Variants in GRM7 observed in about 807,000 individuals in gnomAD.
The protein encoded by GRM7 is glutamate metabotropic receptor 7.
GRM7 carries 35 observed loss-of-function variants against 84.5 expected under a neutral mutation model. The observed-to-expected ratio is 0.41, with a 90% confidence interval of 0.32 to 0.55. The LOEUF is 0.55. Ranked by LOEUF, GRM7 falls within the 20% of genes least tolerant of loss-of-function variation. The pLI, the probability that GRM7 is intolerant of heterozygous loss-of-function variation, is 0.19. For synonymous variants in GRM7, 487 were observed against 455.1 expected (o/e 1.07, Z -0.89); for missense variants, 1,003 against 1,194.6 (o/e 0.84, Z 2.36).
At chr3:7,645,563 A>G (rs1414155363) in intron 8 of GRM7, among the ~76,000 whole-genome samples, 4 of 150,732 alleles carry the variant, frequency 2.7e-5, no homozygotes, top group African/African-American at 9.7e-5. Flanking sequence ...AAAAAAAAAA[A>G]AAAAAAAAGA....
At position 7,194,222 on chromosome 3, in the gene GRM7, A is replaced by G. The variant is rs145161835; in HGVS notation, c.736+47554A>G. 1.1e-3 allele frequency among the ~76,000 whole-genome samples: 162 copies of G among 152,192 alleles called. 1 individual carries two copies. In the Middle Eastern group the frequency reaches 0.014, roughly 13 times the overall value. Reference sequence around the variant, plus strand: ...TCACCAAACTTTCCCAGAGATCTGTACACAGAGTCAATCCTTTCTTTTGCT... The same window carrying G: ...TCACCAAACTTTCCCAGAGATCTGTGCACAGAGTCAATCCTTTCTTTTGCT... On this transcript the variant is annotated intron_variant, in intron 2 of 9. Coordinates refer to ENST00000357716, the MANE Select transcript of GRM7 (RefSeq NM_000844.4).
chr3:7,146,685 C>G lies in GRM7; in HGVS notation c.736+17C>G. ...AAGAGGCAGGTAGGATGAGATTGCT[C>G]TGATCAAGCTGGCTCTCTTCAAACG... On this transcript the variant is annotated intron_variant, in intron 2 of 9. Transcript: ENST00000357716. The G allele has an allele frequency of 1.3e-6, 2 of 1,566,424 alleles. No homozygotes were observed. Among genetic ancestry groups the G allele is most frequent in the Non-Finnish European group, 1.8e-6 (2 of 1,141,978 alleles).
chr3:7,559,716 ACCTAG>A (rs748482435), intron 7 of GRM7, among the ~76,000 whole-genome samples: 4 of 152,138 alleles, frequency 2.6e-5, no homozygotes, highest in African/African-American at 4.8e-5. Context: ...CAGTGGTCTT[ACCTAG>A]TACACTGATC....
intron 1 of GRM7, among the ~76,000 whole-genome samples, chr3:6,872,634 C>G (rs1283544396): frequency 2.6e-5 from 4 of 151,916 alleles, no homozygotes; most frequent in Non-Finnish European, 4.4e-5. Context: ...CCCCGACAGG[C>G]CCCGGTGTGT....
intron 1 of GRM7, among the ~76,000 whole-genome samples, chr3:6,949,517 T>G (rs1030039063): frequency 9.9e-5 from 15 of 152,054 alleles, no homozygotes; most frequent in Non-Finnish European, 2.1e-4. Flanking sequence ...CTTTGGTGAA[T>G]CTGACAATTA....
chr3:7,141,668 AAGAT>A (rs1440477144), intron 1 of GRM7, among the ~76,000 whole-genome samples: 9 of 152,150 alleles, frequency 5.9e-5, no homozygotes, highest in South Asian at 4.1e-4. Flanking sequence ...TGCTACAACT[AAGAT>A]AGCCTCAAAA....
intron 2 of GRM7, among the ~76,000 whole-genome samples, chr3:7,152,022 A>C (rs1694302376): frequency 6.6e-6 from 1 of 152,206 alleles, no homozygotes; most frequent in Admixed American, 6.5e-5. Context: ...TCCAGCTTAA[A>C]TATAGATACT....
chr3:7,169,839 T>G (rs1694924969), intron 2 of GRM7, among the ~76,000 whole-genome samples: 1 of 152,208 alleles, frequency 6.6e-6, no homozygotes, highest in Non-Finnish European at 1.5e-5. Context: ...ACCCAAGATA[T>G]AATAGTTCCC....
chr3:7,200,891 C>T (rs1696042896), intron 2 of GRM7, among the ~76,000 whole-genome samples: 1 of 151,812 alleles, frequency 6.6e-6, no homozygotes, highest in South Asian at 2.1e-4. Flanking sequence ...AATTGCCTCA[C>T]CTGGGGTGGT....
intron 2 of GRM7, among the ~76,000 whole-genome samples, chr3:7,210,337 C>T (rs926586274): frequency 3.3e-5 from 5 of 152,168 alleles, no homozygotes; most frequent in African/African-American, 4.8e-5. Flanking sequence ...GCTTTCCTAC[C>T]GCTATCTTAT....
At chr3:6,881,221 C>T (rs1187999734) in intron 1 of GRM7, among the ~76,000 whole-genome samples, 1 of 152,036 alleles carries the variant, frequency 6.6e-6, no homozygotes, top group Admixed American at 6.6e-5. Flanking sequence ...TGGTTTGCTG[C>T]ACTATCAACC....
At chr3:7,299,282 G>A (rs1699916781) in intron 3 of GRM7, among the ~76,000 whole-genome samples, 1 of 151,726 alleles carries the variant, frequency 6.6e-6, no homozygotes, top group African/African-American at 2.4e-5. Context: ...GATCTTTCTT[G>A]GACTCAAAAA....
At chr3:7,649,079 T>C (rs887738143) in intron 8 of GRM7, among the ~76,000 whole-genome samples, 1 of 152,062 alleles carries the variant, frequency 6.6e-6, no homozygotes, top group Non-Finnish European at 1.5e-5. Context: ...ATTTTCTTTT[T>C]TTTTTTTTGA....
chr3:7,326,379 T>C (rs17697952), intron 4 of GRM7, among the ~76,000 whole-genome samples: 64,251 of 151,818 alleles, frequency 0.42, 13,669 homozygotes, highest in Middle Eastern at 0.48. Context: ...CAGATGGTGA[T>C]GCATTACATA....
chr3:7,283,608 T>G (rs1699328729), intron 2 of GRM7, among the ~76,000 whole-genome samples: 1 of 151,926 alleles, frequency 6.6e-6, no homozygotes, highest in African/African-American at 2.4e-5. Flanking sequence ...TTGGAGGGGG[T>G]TTTGATTGGA....
chr3:7,298,999 A>G (rs1350396366), intron 3 of GRM7, among the ~76,000 whole-genome samples, 174 bp downstream of exon 3: 2 of 152,156 alleles, frequency 1.3e-5, no homozygotes, highest in African/African-American at 2.4e-5. Flanking sequence ...TGTTATGGTC[A>G]CGTGTTTTCC....
intron 9 of GRM7, among the ~76,000 whole-genome samples, chr3:7,727,525 A>C (rs1389740841): frequency 6.6e-6 from 1 of 152,226 alleles, no homozygotes; most frequent in Admixed American, 6.5e-5. Flanking sequence ...TAAGCAGAAC[A>C]CAAAAGGAAC....
At chr3:7,126,906 G>T (rs1198563950) in intron 1 of GRM7, among the ~76,000 whole-genome samples, 1 of 152,104 alleles carries the variant, frequency 6.6e-6, no homozygotes, top group African/African-American at 2.4e-5. Context: ...TGGACACTAT[G>T]TCCCTGAGAT....
At chr3:7,565,760 G>T (rs768962297) in intron 7 of GRM7, among the ~76,000 whole-genome samples, 1 of 152,208 alleles carries the variant, frequency 6.6e-6, no homozygotes, top group Non-Finnish European at 1.5e-5. Context: ...AGACCAGCAG[G>T]AAAGGGAGGT....
Sources: gnomAD v4.1 joint callset for allele counts (sites outside exome capture counted in the v4.1 genomes callset) on GRCh38, gnomAD v4.1.1 for gene constraint, MANE v1.5 for transcripts, NCBI Gene and HGNC (gene_info 2026-07-23, HGNC 2026-07-21) for gene names.